TAAR5: variants seen among roughly 807,000 people sequenced by gnomAD.
The protein encoded by TAAR5 is trace amine-associated receptor 5.
A neutral mutation model predicts 21.1 loss-of-function variants in TAAR5; 27 were observed. That is an observed-to-expected ratio of 1.28 (90% CI 0.94 to 1.76). TAAR5 has a LOEUF of 1.76. Ranked by LOEUF, TAAR5 falls within the 40% of genes most tolerant of loss-of-function variation. The probability of loss-of-function intolerance (pLI) is 0.00; values close to 1 mark genes in which losing one functional copy is unlikely to be tolerated. For synonymous variants in TAAR5, 203 were observed against 167.5 expected (o/e 1.21, Z -1.64); for missense variants, 495 against 405.6 (o/e 1.22, Z -1.89).
At chr6:132,598,088 T>G in the TAAR5 span, among the ~76,000 whole-genome samples, 1 of 152,310 alleles carries the variant, frequency 6.6e-6, no homozygotes, top group East Asian at 1.9e-4. Flanking sequence ...ATACCTGCTT[T>G]ATCAGGCATG....
the TAAR5 span, among the ~76,000 whole-genome samples, chr6:132,613,931 T>C: frequency 1.3e-5 from 2 of 152,316 alleles, no homozygotes; most frequent in East Asian, 1.9e-4. Context: ...AACTTAACAA[T>C]TGCCATTGCC....
rs201479349 is a variant in TAAR5 at position 132,589,316 on chromosome 6, T to C, written c.371A>G (p.His124Arg). 18 of 1,613,002 alleles carry C rather than the reference T, an allele frequency of 1.1e-5. No homozygotes were observed. The East Asian group carries it at 1.6e-4, about 14-fold the overall frequency. The part of the protein sequence containing the change: ...DTLFCLTSIF[H>R]LCFISIDRHC... ...GCGGTCAATGGAAATGAAACAGAGATGGAAGATGGAGGTGAGGCAGAAGAG... is the reference window on the plus strand; with the variant it reads ...GCGGTCAATGGAAATGAAACAGAGACGGAAGATGGAGGTGAGGCAGAAGAG... Residue 124 changes from histidine (H) to arginine (R), a missense_variant, in exon 1 of 1, where the codon CAT (histidine) becomes CGT (arginine). Physicochemically the swap from His to Arg is conservative, Grantham distance 29 (BLOSUM62 0). Coordinates refer to ENST00000258034, the MANE Select transcript of TAAR5 (RefSeq NM_003967.3).
At chr6:132,602,079 T>C in the TAAR5 span, among the ~76,000 whole-genome samples, 2 of 152,144 alleles carry the variant, frequency 1.3e-5, no homozygotes, top group South Asian at 4.1e-4. Context: ...TTTTATCAAA[T>C]TCTATTTAAT....
upstream of TAAR5, among the ~76,000 whole-genome samples, chr6:132,591,596 C>A (rs1776908425): frequency 6.6e-6 from 1 of 152,194 alleles, no homozygotes; most frequent in Admixed American, 6.5e-5. Context: ...TATTGCATTA[C>A]TAGGTACCTT....
the TAAR5 span, among the ~76,000 whole-genome samples, chr6:132,596,218 C>T: frequency 6.6e-6 from 1 of 152,092 alleles, no homozygotes; most frequent in Non-Finnish European, 1.5e-5. Flanking sequence ...GTCTTATATT[C>T]GTAACAAATG....
chr6:132,605,505 A>G, the TAAR5 span, among the ~76,000 whole-genome samples: 1 of 152,172 alleles, frequency 6.6e-6, no homozygotes, highest in Non-Finnish European at 1.5e-5. Flanking sequence ...TCATTCTAAC[A>G]GCCATGTGCC....
At chr6:132,592,933 G>A (rs990561575), upstream of TAAR5, among the ~76,000 whole-genome samples, 2 of 152,258 alleles carry the variant, frequency 1.3e-5, no homozygotes, top group East Asian at 3.9e-4. Flanking sequence ...TCCTGGGTAA[G>A]GACCACAGAA....
At chr6:132,604,146 CTTT>C in the TAAR5 span, among the ~76,000 whole-genome samples, 5 of 125,980 alleles carry the variant, frequency 4.0e-5, no homozygotes, top group Non-Finnish European at 3.4e-5. Context: ...TTTTTCTTTT[CTTT>C]TTTTTTTTTT....
the TAAR5 span, among the ~76,000 whole-genome samples, chr6:132,598,983 G>T: frequency 6.6e-6 from 1 of 152,158 alleles, no homozygotes; most frequent in Admixed American, 6.6e-5. Context: ...TTAATCTCTA[G>T]TGAAAGTTTG....
chr6:132,591,980 G>A (rs117230097), upstream of TAAR5, among the ~76,000 whole-genome samples: 234 of 152,282 alleles, frequency 1.5e-3, 2 homozygotes, highest in East Asian at 0.041. Flanking sequence ...ACAAGAGTTC[G>A]AGTGGATATC....
In TAAR5 at chr6:132,589,336, G is replaced by A. The variant is rs1281094754; in HGVS notation, c.351C>T (p.Phe117=). 1.2e-6 allele frequency: 2 copies of A among 1,614,084 alleles called. No homozygotes were observed. The highest frequency in any genetic ancestry group is 8.5e-7 in the Non-Finnish European group (1 of 1,179,986). The change falls in exon 1 of 1, where the codon TTC becomes TTT. Residue 117 remains phenylalanine, a synonymous_variant. Transcript: ENST00000258034. ...AGAGATGGAAGATGGAGGTGAGGCAGAAGAGGGTGTCCAGGTAGGTGTGCA... is the reference window on the plus strand; with the variant it reads ...AGAGATGGAAGATGGAGGTGAGGCAAAAGAGGGTGTCCAGGTAGGTGTGCA... ...CRLHTYLDTL[F]CLTSIFHLCF... is the part of the protein sequence containing the mutation.
In TAAR5 at chr6:132,589,545, T is replaced by C; in HGVS notation, c.142A>G (p.Ile48Val). 1 of 1,613,914 alleles carries C rather than the reference T, an allele frequency of 6.2e-7. No individual in the cohort carries two copies. The highest frequency in any genetic ancestry group is 8.5e-7 in the Non-Finnish European group (1 of 1,179,914). ...YLACAAGMLI[I>V]VLGNVFVAFA... Reference sequence around the variant, plus strand: ...GCCACAAATACATTCCCTAGCACGATAATCAGCATGCCTGCTGCACAGGCC... The same window carrying C: ...GCCACAAATACATTCCCTAGCACGACAATCAGCATGCCTGCTGCACAGGCC... The change falls in exon 1 of 1, where the codon ATC becomes GTC. Residue 48 changes from isoleucine (I) to valine (V), a missense_variant. Transcript: ENST00000258034.
chr6:132,590,575 G>C (rs1022316689), upstream of TAAR5, among the ~76,000 whole-genome samples: 3 of 152,192 alleles, frequency 2.0e-5, no homozygotes, highest in Admixed American at 1.3e-4. Context: ...GTACTCTTCT[G>C]TTGGCCACAA....
the TAAR5 span, among the ~76,000 whole-genome samples, chr6:132,600,657 G>A: frequency 0.15 from 22,839 of 151,708 alleles, 2,320 homozygotes; most frequent in African/African-American, 0.28. Flanking sequence ...TGAGATTACC[G>A]TACCAGTAAA....
At chr6:132,594,791 C>T in the TAAR5 span, 4 of 152,096 alleles carry the variant, frequency 2.6e-5, no homozygotes, top group Admixed American at 1.3e-4. Flanking sequence ...AAATTCCCAC[C>T]GTGGTTGTCC....
the TAAR5 span, among the ~76,000 whole-genome samples, chr6:132,600,423 C>T: frequency 0.52 from 78,547 of 151,896 alleles, 21,368 homozygotes; most frequent in African/African-American, 0.69. Flanking sequence ...GAAGATGACT[C>T]CTCAATGCTC....
the TAAR5 span, among the ~76,000 whole-genome samples, chr6:132,600,662 A>G: frequency 6.6e-6 from 1 of 152,272 alleles, no homozygotes; most frequent in East Asian, 1.9e-4. Context: ...TTACCGTACC[A>G]GTAAACCACT....
chr6:132,603,639 C>T, the TAAR5 span, among the ~76,000 whole-genome samples: 5 of 151,954 alleles, frequency 3.3e-5, no homozygotes, highest in Non-Finnish European at 5.9e-5. Context: ...TTTGTGATTA[C>T]CACTTAGAAT....
At chr6:132,607,034 A>G in the TAAR5 span, among the ~76,000 whole-genome samples, 2 of 151,962 alleles carry the variant, frequency 1.3e-5, no homozygotes, top group African/African-American at 4.8e-5. Context: ...TGTCTCTACT[A>G]AACTACAAAA....
Sources: allele counts gnomAD v4.1 joint callset (sites outside exome capture counted in the v4.1 genomes callset), GRCh38; gene constraint gnomAD v4.1.1; transcripts MANE v1.5; gene names NCBI Gene and HGNC (gene_info 2026-07-23, HGNC 2026-07-21).